The following MALRD1 variants were observed in gnomAD, a reference collection of about 807,000 sequenced individuals.
MALRD1 encodes the protein MAM and LDL-receptor class A domain-containing protein 1.
MALRD1 carries 247 observed loss-of-function variants against 242.1 expected under a neutral mutation model. The ratio of observed to expected loss-of-function variants is 1.02; its 90% CI spans 0.92 to 1.13. The LOEUF is 1.13. Among genes scored for constraint, MALRD1 ranks in the 50% most tolerant of loss-of-function variants. The pLI, the probability that MALRD1 is intolerant of heterozygous loss-of-function variation, is 0.00. For synonymous variants in MALRD1, 995 were observed against 866.6 expected (o/e 1.15, Z -2.60); for missense variants, 2,989 against 2,533.1 (o/e 1.18, Z -3.86).
intron 7 of MALRD1, among the ~76,000 whole-genome samples, chr10:19,127,491 T>C (rs187705895): frequency 6.6e-6 from 1 of 152,344 alleles, no homozygotes; most frequent in Admixed American, 6.5e-5. Flanking sequence ...TAGAGACTTC[T>C]TTTTAAATAA....
chr10:19,584,228 G>C (rs1216456937), intron 33 of MALRD1, among the ~76,000 whole-genome samples: 1 of 151,918 alleles, frequency 6.6e-6, no homozygotes, highest in Non-Finnish European at 1.5e-5. Context: ...ATTTCCTTCA[G>C]TTCTGCTCTG....
intron 18 of MALRD1, among the ~76,000 whole-genome samples, chr10:19,241,793 G>C (rs10740863): frequency 2.0e-5 from 3 of 151,888 alleles, no homozygotes; most frequent in South Asian, 2.1e-4. Flanking sequence ...TAATTTTCCT[G>C]TTAATATCTT....
chr10:19,529,272 T>G (rs1834232454), intron 31 of MALRD1, among the ~76,000 whole-genome samples: 1 of 151,996 alleles, frequency 6.6e-6, no homozygotes, highest in African/African-American at 2.4e-5. Context: ...TTATAAGAAG[T>G]GGGAGGGAAT....
intron 33 of MALRD1, among the ~76,000 whole-genome samples, chr10:19,588,277 A>C (rs1356669618): frequency 6.6e-6 from 1 of 152,188 alleles, no homozygotes; most frequent in Non-Finnish European, 1.5e-5. Context: ...GTAACTCCAT[A>C]TTAATTATCA....
At chr10:19,722,784 G>A (rs570266057) in intron 38 of MALRD1, among the ~76,000 whole-genome samples, 1 of 151,964 alleles carries the variant, frequency 6.6e-6, no homozygotes, top group Non-Finnish European at 1.5e-5. Context: ...AAGGAAAGGA[G>A]GTGAAGAGAA....
At chr10:19,087,805 G>T (rs1021284005) in intron 2 of MALRD1, 35 bp from the exon 3 acceptor site, 213 of 1,070,896 alleles carry the variant, frequency 2.0e-4, no homozygotes, top group Non-Finnish European at 2.2e-4. Flanking sequence ...ATTCTTTCTG[G>T]TTTTTTTTTG....
intron 31 of MALRD1, among the ~76,000 whole-genome samples, chr10:19,510,954 C>T (rs900516578): frequency 7.9e-5 from 12 of 152,118 alleles, no homozygotes; most frequent in South Asian, 2.1e-4. Flanking sequence ...AGACACTCCC[C>T]GCTGTTCAGC....
intron 31 of MALRD1, among the ~76,000 whole-genome samples, chr10:19,516,784 TCTC>T (rs1337393362): frequency 2.7e-5 from 4 of 148,322 alleles, no homozygotes; most frequent in Admixed American, 2.7e-4. Context: ...TCCTCCCTCT[TCTC>T]CTCCTTCTCC....
intron 2 of MALRD1, among the ~76,000 whole-genome samples, chr10:19,072,888 A>T (rs1326070746): frequency 6.6e-6 from 1 of 152,010 alleles, no homozygotes; most frequent in East Asian, 1.9e-4. Flanking sequence ...AAATGGAATT[A>T]CAGTGTCTTT....
chr10:19,079,274 G>A (rs1384183295), intron 2 of MALRD1, among the ~76,000 whole-genome samples: 4 of 151,430 alleles, frequency 2.6e-5, no homozygotes, highest in South Asian at 2.1e-4. Context: ...TTAATTCTAC[G>A]TATTTGTGAA....
At chr10:19,582,538 T>C (rs977469314) in intron 33 of MALRD1, among the ~76,000 whole-genome samples, 11 of 136,106 alleles carry the variant, frequency 8.1e-5, no homozygotes, top group Non-Finnish European at 1.7e-4. Context: ...GTTGTAGATA[T>C]GCGGCATTAT....
intron 38 of MALRD1, among the ~76,000 whole-genome samples, chr10:19,692,858 T>A (rs1833153473): frequency 1.1e-5 from 1 of 94,880 alleles, no homozygotes; most frequent in African/African-American, 3.8e-5. Context: ...AATTTATATA[T>A]AGATGAAATT....
chr10:19,643,946 A>G (rs1840528115), intron 36 of MALRD1, among the ~76,000 whole-genome samples: 1 of 152,292 alleles, frequency 6.6e-6, no homozygotes, highest in African/African-American at 2.4e-5. Flanking sequence ...TTCCTTCTGC[A>G]CCACTGTAGA....
At chr10:19,189,071 A>T (rs1269379838) in intron 14 of MALRD1, among the ~76,000 whole-genome samples, 1 of 152,114 alleles carries the variant, frequency 6.6e-6, no homozygotes, top group Non-Finnish European at 1.5e-5. Flanking sequence ...AGAGGGAGAG[A>T]CAAAGAGAGA....
chr10:19,716,067 G>C (rs595118), intron 38 of MALRD1, among the ~76,000 whole-genome samples: 2 of 151,986 alleles, frequency 1.3e-5, no homozygotes, highest in Admixed American at 6.5e-5. Context: ...AAATCATATC[G>C]CTACTCAAAC....
At chr10:19,548,906 GC>G (rs1835363816) in intron 32 of MALRD1, among the ~76,000 whole-genome samples, 1 of 152,176 alleles carries the variant, frequency 6.6e-6, no homozygotes. Context: ...GGTGAGATAG[GC>G]TGAAAGCTAG....
chr10:19,477,292 C>T (rs1412222742), intron 29 of MALRD1, among the ~76,000 whole-genome samples: 2 of 151,862 alleles, frequency 1.3e-5, no homozygotes, highest in Non-Finnish European at 2.9e-5. Flanking sequence ...AATGAATTAA[C>T]TAAGTATCTT....
intron 18 of MALRD1, among the ~76,000 whole-genome samples, chr10:19,219,287 A>G (rs1837460760): frequency 1.3e-5 from 2 of 152,186 alleles, no homozygotes; most frequent in Admixed American, 6.5e-5. Flanking sequence ...TACTAATTAT[A>G]TAAAAACATA....
At chr10:19,201,865 G>A (rs1340588205) in intron 14 of MALRD1, among the ~76,000 whole-genome samples, 5 of 151,946 alleles carry the variant, frequency 3.3e-5, no homozygotes, top group African/African-American at 9.7e-5. Context: ...ACCCAGGCTG[G>A]AGTGCAGTGG....
Sources: gnomAD v4.1 joint callset for allele counts (sites outside exome capture counted in the v4.1 genomes callset) on GRCh38, gnomAD v4.1.1 for gene constraint, MANE v1.5 for transcripts, NCBI Gene and HGNC (gene_info 2026-07-23, HGNC 2026-07-21) for gene names.